Variants in CTNS observed in about 807,000 individuals in gnomAD.
The protein encoded by CTNS is cystinosin.
A neutral mutation model predicts 43.7 loss-of-function variants in CTNS; 27 were observed. The observed-to-expected ratio is 0.62, with a 90% CI of 0.46 to 0.85. The LOEUF (loss-of-function observed/expected upper bound fraction) is 0.85. Among genes scored for constraint, CTNS ranks in the 40% least tolerant of loss-of-function variants. CTNS has a pLI of 0.00. For missense variants in CTNS, 457 were observed against 475.4 expected, an observed-to-expected ratio of 0.96 and a Z score of 0.36; for synonymous variants, 187 against 190.6, an observed-to-expected ratio of 0.98 and a Z score of 0.16.
rs886052871 is a variant in CTNS, at chr17:3,661,240, G to C, written c.*871G>C. On this transcript the variant is annotated 3_prime_UTR_variant, in exon 12 of 12. Transcript: ENST00000046640. ...ACGGCGACCAGCTCCCCTGGAGCGA[G>C]GGCAGGCCCCTTCCCTCTCTTTCCC... 5.1e-6 allele frequency: 1 copy of C among 197,794 alleles called. No individual in the cohort carries two copies. Among genetic ancestry groups the C allele is most frequent in the Non-Finnish European group, 1.1e-5 (1 of 94,552 alleles). 12.3% of individuals were successfully genotyped at this position (197,794 alleles called of 1,614,324 possible).
chr17:3,660,123 T>C (rs2076252031), intron 11 of CTNS, 113 bp from the exon 12 acceptor site: 1 of 1,521,330 alleles, frequency 6.6e-7, no homozygotes, highest in African/African-American at 1.4e-5. Flanking sequence ...GGGGCCTTCG[T>C]AGCTGGAGGC....
In CTNS at chr17:3,661,682, A is replaced by T. The variant is rs2076280235; in HGVS notation, c.*1313A>T. ...GTGCTGACCCCACACTTCACTGGGG[A>T]GCCCTCTTGGGTAGCGCGAGACGCC... On this transcript the variant is annotated 3_prime_UTR_variant, in exon 12 of 12. Coordinates refer to ENST00000046640, the MANE Select transcript of CTNS (RefSeq NM_004937.3). The T allele has an allele frequency of 6.6e-6, 1 of 152,142 alleles. No individual in the cohort carries two copies. The highest frequency in any genetic ancestry group is 1.5e-5 in the Non-Finnish European group (1 of 68,040). The allele number at this position is 152,142 out of a possible 1,614,324, so 9.4% of individuals were successfully genotyped here.
rs2075652654 is a variant in CTNS at position 3,640,264 on chromosome 17, TGTG to T, written c.61_61+2del. 3 of 1,613,824 alleles carry T rather than the reference TGTG, an allele frequency of 1.9e-6. No individual in the cohort carries two copies. The highest frequency in any genetic ancestry group is 2.5e-6 in the Non-Finnish European group (3 of 1,179,700). ...TTTTCCCCTGAAGCTCGTAGAGAAA[TGTG>T]GTAAGTTTAGAAATGACACGTCAAC... On this transcript the variant is annotated stop_gained and inframe_deletion and splice_region_variant, in exon 3 of 12. Transcript: ENST00000046640. LOFTEE classifies it high-confidence loss of function.
chr17:3,641,602 A>G (rs2075709977), intron 3 of CTNS, among the ~76,000 whole-genome samples: 1 of 151,454 alleles, frequency 6.6e-6, no homozygotes, highest in Non-Finnish European at 1.5e-5. Context: ...CATGTTGGCC[A>G]GGCTGGTTTT....
At chr17:3,650,634 C>A (rs1209496074) in intron 5 of CTNS, 2 of 238,006 alleles carry the variant, frequency 8.4e-6, no homozygotes, top group Admixed American at 4.9e-5. Context: ...TCCCCTCTTG[C>A]CCAGGGTGTG....
intron 10 of CTNS, 92 bp downstream of exon 10, chr17:3,658,267 C>T (rs1244017844): frequency 5.3e-5 from 80 of 1,520,246 alleles, no homozygotes; most frequent in Non-Finnish European, 6.7e-5. Context: ...CTCCTGCCGG[C>T]GTGAGGAAAC....
chr17:3,641,386 T>A (rs866093965), intron 3 of CTNS, among the ~76,000 whole-genome samples: 41 of 41,556 alleles, frequency 9.9e-4, no homozygotes, highest in East Asian at 7.2e-3. Flanking sequence ...ATATATATAT[T>A]TTTTTTTTTT....
rs1355863772 is a variant in CTNS at position 3,661,399 on chromosome 17, T to TGTC, written c.*1031_*1033dup. The TGTC allele has an allele frequency of 0.19, 29,096 of 152,028 alleles. 3,093 individuals carry two copies. The highest frequency in any genetic ancestry group is 0.22 in the East Asian group (1,151 of 5,128). 9.4% of individuals were successfully genotyped at this position (152,028 alleles called of 1,614,324 possible). On this transcript the variant is annotated 3_prime_UTR_variant, in exon 12 of 12. Coordinates refer to ENST00000046640, the MANE Select transcript of CTNS (RefSeq NM_004937.3). ...AAACCTCCTTCCCTCTGCCCAAAGC[T>TGTC]GTCCTTCCTATGGCAGGAGGGGTGG...
rs1426965635 is a variant in CTNS, at chr17:3,661,307, G to A, written c.*938G>A. The A allele has an allele frequency of 5.7e-6, 1 of 174,890 alleles. No homozygotes were observed. Among genetic ancestry groups the A allele is most frequent in the African/African-American group, 2.4e-5 (1 of 41,970 alleles). The allele number at this position is 174,890 out of a possible 1,614,324, so 10.8% of individuals were successfully genotyped here. ...ACTCACCAATTTCTGGCCTGTTCAG[G>A]AGCCTCAGATAAGTATTTGTACTTG... On this transcript the variant is annotated 3_prime_UTR_variant, in exon 12 of 12. Coordinates refer to ENST00000046640, the MANE Select transcript of CTNS (RefSeq NM_004937.3).
chr17:3,643,276 T>TGC, intron 3 of CTNS, among the ~76,000 whole-genome samples: 2 of 151,754 alleles, frequency 1.3e-5, no homozygotes, highest in East Asian at 3.9e-4. Flanking sequence ...ATCGTGCCAC[T>TGC]GCACTCCAGC....
At chr17:3,660,097 A>G in intron 11 of CTNS, 122 bp downstream of exon 11, 1 of 1,456,138 alleles carries the variant, frequency 6.9e-7, no homozygotes, top group Non-Finnish European at 9.6e-7. Flanking sequence ...CCAGCCCCCA[A>G]GGAGAGACCC....
At chr17:3,645,245 C>G (rs2075817326) in intron 3 of CTNS, among the ~76,000 whole-genome samples, 1 of 152,238 alleles carries the variant, frequency 6.6e-6, no homozygotes, top group Admixed American at 6.5e-5. Flanking sequence ...AAGGGACTGC[C>G]TTTTGCCGCT....
intron 9 of CTNS, 146 bp downstream of exon 9, chr17:3,656,941 A>T: frequency 7.5e-7 from 1 of 1,325,296 alleles, no homozygotes; most frequent in Non-Finnish European, 1.0e-6. Context: ...GAAGACACCC[A>T]TGAGTCCAGG....
intron 1 of CTNS, 107 bp downstream of exon 1, chr17:3,636,938 C>T (rs1406515446): frequency 6.6e-6 from 1 of 152,280 alleles, no homozygotes; most frequent in Non-Finnish European, 1.5e-5. Flanking sequence ...GCGGCGGGCT[C>T]CTTTCCCCGC....
At chr17:3,647,713 C>T (rs2075877903) in intron 4 of CTNS, 191 bp downstream of exon 4, 3 of 629,642 alleles carry the variant, frequency 4.8e-6, no homozygotes, top group East Asian at 5.5e-5. Flanking sequence ...TGACCCCCAC[C>T]CTGAGTCCTC....
rs2076287605 is a variant in CTNS, at chr17:3,662,221, G to GCCTC, written c.*1852_*1853insCCTC. Among the ~76,000 whole-genome samples, 1 of 151,774 alleles carries GCCTC rather than the reference G, an allele frequency of 6.6e-6. No homozygotes were observed. Among genetic ancestry groups the GCCTC allele is most frequent in the African/African-American group, 2.4e-5 (1 of 41,308 alleles). The stretch of plus-strand genomic sequence containing the variant: ...AGCTACTTGGTTGGCTGAGGCAGGA[G>GCCTC]AATTACTTGAACCCAGGAGGCGGAG... On this transcript the variant is annotated 3_prime_UTR_variant, in exon 12 of 12. Coordinates refer to ENST00000046640, the MANE Select transcript of CTNS (RefSeq NM_004937.3).
intron 2 of CTNS, among the ~76,000 whole-genome samples, chr17:3,639,726 G>T (rs2075638464): frequency 6.6e-6 from 1 of 151,816 alleles, no homozygotes; most frequent in Non-Finnish European, 1.5e-5. Context: ...AGTCTTAAGG[G>T]TCAGTTGGTG....
chr17:3,655,217 C>T lies in CTNS; in HGVS notation c.330-4C>T. On this transcript the variant is annotated splice_region_variant and splice_polypyrimidine_tract_variant and intron_variant, in intron 6 of 11. Coordinates refer to ENST00000046640, the MANE Select transcript of CTNS (RefSeq NM_004937.3). ...CTCATCCCGGTCCCCAAACTCCTTT[C>T]CAGCCCGAGGATACGCTTTCTTGTG... The T allele has an allele frequency of 6.2e-7, 1 of 1,614,218 alleles. No homozygotes were observed. The highest frequency in any genetic ancestry group is 8.5e-7 in the Non-Finnish European group (1 of 1,180,040).
intron 5 of CTNS, among the ~76,000 whole-genome samples, chr17:3,652,540 C>T (rs948826291): frequency 1.7e-4 from 26 of 151,636 alleles, no homozygotes; most frequent in African/African-American, 6.0e-4. Flanking sequence ...TGCAGCGAGC[C>T]GAAATCATGC....
Sources: allele counts gnomAD v4.1 joint callset (sites outside exome capture counted in the v4.1 genomes callset), GRCh38; gene constraint gnomAD v4.1.1; transcripts MANE v1.5; gene names NCBI Gene and HGNC (gene_info 2026-07-23, HGNC 2026-07-21).